The following HGSNAT variants were observed in gnomAD, a reference collection of about 807,000 sequenced individuals.
HGSNAT encodes the protein transmembrane protein 76.
Under a neutral mutation model 85.2 loss-of-function variants are expected in HGSNAT, and 59 were observed. The ratio of observed to expected loss-of-function variants is 0.69; its 90% CI spans 0.56 to 0.86. The LOEUF is 0.86. Ranked by LOEUF, HGSNAT falls within the 40% of genes least tolerant of loss-of-function variation. The probability of loss-of-function intolerance (pLI) is 0.00; values close to 1 mark genes in which losing one functional copy is unlikely to be tolerated. For synonymous variants in HGSNAT, 321 were observed against 304.5 expected (o/e 1.05, Z -0.56); for missense variants, 756 against 777.1 (o/e 0.97, Z 0.32).
At chr8:43,185,819 C>G (rs929186300) in intron 11 of HGSNAT, among the ~76,000 whole-genome samples, 1 of 152,116 alleles carries the variant, frequency 6.6e-6, no homozygotes, top group East Asian at 1.9e-4. Context: ...CCCATCGATA[C>G]CTAGTTTATT....
At chr8:43,153,007 G>A (rs1313226741) in intron 2 of HGSNAT, among the ~76,000 whole-genome samples, 4 of 151,708 alleles carry the variant, frequency 2.6e-5, no homozygotes, top group Non-Finnish European at 4.4e-5. Context: ...TTATTGTTAA[G>A]CTGATTTAAT....
At chr8:43,161,603 G>A (rs1441942257) in intron 5 of HGSNAT, 96 bp downstream of exon 5, 24 of 846,476 alleles carry the variant, frequency 2.8e-5, no homozygotes, top group Non-Finnish European at 3.6e-5. Context: ...CATATTCTTC[G>A]ATGATATGAA....
chr8:43,196,392 T>C (rs1207088584), intron 14 of HGSNAT: 3 of 1,114,808 alleles, frequency 2.7e-6, no homozygotes, highest in Non-Finnish European at 3.6e-6. Context: ...TCCCCCACCC[T>C]GCCTCTGGTT....
intron 14 of HGSNAT, among the ~76,000 whole-genome samples, chr8:43,195,218 TAC>T (rs1804665151): frequency 6.6e-6 from 1 of 152,088 alleles, no homozygotes; most frequent in South Asian, 2.1e-4. Flanking sequence ...GTGGAAAATC[TAC>T]AGAGGACTTT....
At chr8:43,178,287 T>C (rs749812807) in intron 10 of HGSNAT, 53 bp downstream of exon 10, 5 of 1,313,774 alleles carry the variant, frequency 3.8e-6, no homozygotes, top group South Asian at 1.9e-5. Context: ...ATGGAAACTA[T>C]ATGTTGTAAT....
chr8:43,198,813 A>G (rs1224772821), intron 17 of HGSNAT, among the ~76,000 whole-genome samples: 1 of 152,240 alleles, frequency 6.6e-6, no homozygotes, highest in Non-Finnish European at 1.5e-5. Context: ...TTTTCTGCCT[A>G]GAAAATATAA....
At chr8:43,162,949 G>T (rs1356680438) in intron 5 of HGSNAT, among the ~76,000 whole-genome samples, 1 of 152,136 alleles carries the variant, frequency 6.6e-6, no homozygotes, top group Non-Finnish European at 1.5e-5. Flanking sequence ...ACTTTGAGAG[G>T]CCAAGGCAGA....
chr8:43,140,571 C>T lies in HGSNAT; in HGVS notation c.75C>T (p.Pro25=), dbSNP rs941971913. 3 of 1,225,820 alleles carry T rather than the reference C, an allele frequency of 2.4e-6. No homozygotes were observed. The highest frequency in any genetic ancestry group is 1.6e-5 in the African/African-American group (1 of 62,610). The allele number at this position is 1,225,820 out of a possible 1,614,324, so 75.9% of individuals were successfully genotyped here. A position where few individuals can be genotyped will look rare whatever the true frequency, so the allele number is the denominator to read the frequency against. The part of the protein sequence containing the change: ...ASVLSAALLA[P]GGSSGRDAQA... The stretch of plus-strand genomic sequence containing the variant: ...TGCTGAGCGCCGCGCTGCTGGCCCC[C>T]GGCGGCTCTTCGGGGCGCGATGCCC... The change falls in exon 1 of 18, where the codon CCC becomes CCT. Residue 25 remains proline (P), a synonymous_variant. Transcript: ENST00000379644.
At chr8:43,192,507 C>T (rs926209850) in intron 13 of HGSNAT, 77 bp downstream of exon 13, 52 of 1,464,516 alleles carry the variant, frequency 3.6e-5, no homozygotes, top group Non-Finnish European at 4.5e-5. Flanking sequence ...AGCCAGCAAA[C>T]GTTAAACCAT....
intron 7 of HGSNAT, 25 bp downstream of exon 7, chr8:43,170,719 G>A: frequency 1.4e-6 from 2 of 1,444,102 alleles, no homozygotes; most frequent in South Asian, 2.4e-5. Context: ...CTGTAGCACA[G>A]TGGGTGCAGG....
At chr8:43,186,433 G>A (rs1441829715) in intron 11 of HGSNAT, among the ~76,000 whole-genome samples, 1 of 152,150 alleles carries the variant, frequency 6.6e-6, no homozygotes, top group Non-Finnish European at 1.5e-5. Flanking sequence ...GAGTAGAAGT[G>A]TTTATAGTAT....
In HGSNAT at chr8:43,170,595, C is replaced by T; in HGVS notation, c.644C>T (p.Ser215Phe). The part of the protein sequence containing the change: ...TDRLINSELG[S>F]PSRTDPLDGD... ...CCTTTTTTTCTGAAGGAGCTGGGAT[C>T]TCCCAGCAGGACAGACCCTCTCGAT... The change falls in exon 7 of 18, where the codon TCT becomes TTT. Residue 215 changes from serine (S) to phenylalanine (F), a missense_variant. By Grantham distance (155) the Ser-to-Phe change is radical. Transcript: ENST00000379644. The T allele has an allele frequency of 1.2e-6, 2 of 1,606,592 alleles. No homozygotes were observed. Among genetic ancestry groups the T allele is most frequent in the Non-Finnish European group, 1.7e-6 (2 of 1,176,228 alleles).
At chr8:43,172,483 A>G (rs1803659878) in intron 8 of HGSNAT, 97 bp downstream of exon 8, 2 of 900,330 alleles carry the variant, frequency 2.2e-6, no homozygotes, top group Admixed American at 2.0e-5. Context: ...AACTCCAGAA[A>G]TGAGCCCCAG....
chr8:43,174,780 A>C (rs944474478), intron 9 of HGSNAT, among the ~76,000 whole-genome samples: 1 of 152,114 alleles, frequency 6.6e-6, no homozygotes, highest in African/African-American at 2.4e-5. Context: ...TCCAATTATA[A>C]TTTTTTAGTT....
At chr8:43,173,843 T>C (rs1803718444) in intron 9 of HGSNAT, 100 bp downstream of exon 9, 1 of 1,302,984 alleles carries the variant, frequency 7.7e-7, no homozygotes, top group Non-Finnish European at 1.1e-6. Context: ...GCATGTGTTA[T>C]GTGGTTAGGA....
intron 4 of HGSNAT, among the ~76,000 whole-genome samples, chr8:43,159,658 A>ATT (rs1803208731): frequency 6.6e-6 from 1 of 152,232 alleles, no homozygotes; most frequent in Non-Finnish European, 1.5e-5. Flanking sequence ...TAATAAGCCA[A>ATT]AAATGTTAAT....
rs373382475 is a variant in HGSNAT, at chr8:43,183,556, C to T, written c.1128+1296C>T. Among the ~76,000 whole-genome samples the T allele has an allele frequency of 8.0e-5, 12 of 150,902 alleles. No homozygotes were observed. The South Asian group carries it at 1.5e-3, about 19-fold the overall frequency. On this transcript the variant is annotated intron_variant, in intron 11 of 17. Transcript: ENST00000379644. ...CGCGATCTGGGCTCACTGCAAACTC[C>T]GCCTCCTGGGTTCACGCCGTTCTCC...
intron 1 of HGSNAT, 71 bp downstream of exon 1, chr8:43,140,685 TATCTCCGTGCGC>T (rs1383051159): frequency 1.4e-6 from 1 of 711,914 alleles, no homozygotes; most frequent in Non-Finnish European, 1.8e-6. Context: ...GCGCCGCCCC[TATCTCCGTGCGC>T]GGCGCCGAGC....
intron 10 of HGSNAT, 42 bp from the exon 11 acceptor site, chr8:43,182,103 G>A: frequency 1.4e-6 from 2 of 1,430,330 alleles, no homozygotes; most frequent in East Asian, 2.3e-5. Flanking sequence ...GATGAGAGGA[G>A]AAGTCCTGGC....
Sources: gnomAD v4.1 joint callset for allele counts (sites outside exome capture counted in the v4.1 genomes callset) on GRCh38, gnomAD v4.1.1 for gene constraint, MANE v1.5 for transcripts, NCBI Gene and HGNC (gene_info 2026-07-23, HGNC 2026-07-21) for gene names.